Variants in KCNAB1 observed in about 807,000 individuals in gnomAD.
KCNAB1 encodes the protein potassium voltage-gated channel subfamily A regulatory beta subunit 1.
Under a neutral mutation model 64.6 loss-of-function variants are expected in KCNAB1, and 35 were observed. That is an observed-to-expected ratio of 0.54 (90% CI 0.41 to 0.72). The LOEUF is 0.72. Among genes scored for constraint, KCNAB1 ranks in the 30% least tolerant of loss-of-function variants. The pLI, the probability that KCNAB1 is intolerant of heterozygous loss-of-function variation, is 0.00. For synonymous variants in KCNAB1, 177 were observed against 183.8 expected, an observed-to-expected ratio of 0.96 and a Z score of 0.30; for missense variants, 401 against 512.9, an observed-to-expected ratio of 0.78 and a Z score of 2.11.
At chr3:156,340,539 C>T (rs1724033072) in intron 1 of KCNAB1, among the ~76,000 whole-genome samples, 2 of 152,182 alleles carry the variant, frequency 1.3e-5, no homozygotes, top group Non-Finnish European at 2.9e-5. Context: ...ACTACGTGAC[C>T]AAGTTTGGGG....
intron 1 of KCNAB1, among the ~76,000 whole-genome samples, chr3:156,369,667 A>G (rs1421733544): frequency 1.3e-5 from 2 of 152,230 alleles, no homozygotes; most frequent in Non-Finnish European, 2.9e-5. Context: ...AGGGGAAGAG[A>G]TTCTTTGACA....
intron 8 of KCNAB1, among the ~76,000 whole-genome samples, chr3:156,486,306 T>C (rs1258628648): frequency 6.6e-6 from 1 of 152,112 alleles, no homozygotes; most frequent in African/African-American, 2.4e-5. Context: ...TACTCTCTGT[T>C]CAGTGACTCT....
rs893243182 is a variant in KCNAB1 at position 156,246,621 on chromosome 3, TAAAA to T, written c.275+125740_275+125743del. ...CTATCTCAAAAAAAAAAAAAGTTAA[TAAAA>T]AAAAGCAGCAAAAAAAAAAAAAAAA... On this transcript the variant is annotated intron_variant, in intron 1 of 13. Transcript: ENST00000490337. Among the ~76,000 whole-genome samples the T allele has an allele frequency of 1.2e-3, 89 of 71,392 alleles. 1 individual carries two copies. The highest frequency in any genetic ancestry group is 4.4e-3 in the African/African-American group (83 of 18,966). The allele number at this position is 71,392 out of a possible 152,430, so 46.8% of individuals were successfully genotyped here. A position where few individuals can be genotyped will look rare whatever the true frequency, so the allele number is the denominator to read the frequency against.
In KCNAB1 at chr3:156,537,900, G is replaced by A. The variant is rs1027915; in HGVS notation, c.*1153G>A. On this transcript the variant is annotated 3_prime_UTR_variant, in exon 14 of 14. Coordinates refer to ENST00000490337, the MANE Select transcript of KCNAB1 (RefSeq NM_172160.3). ...CTATTCAGAATATGCTGGGTAAATT[G>A]ACTTGCCTAGTGAAAAGCAAAATGT... is the stretch of plus-strand genomic sequence containing the variant. 124,599 of 152,270 alleles carry A rather than the reference G, an allele frequency of 0.82. 51,076 individuals are homozygous for A. Among genetic ancestry groups the A allele is most frequent in the East Asian group, 0.98 (5,087 of 5,194 alleles). 9.4% of individuals were successfully genotyped at this position (152,270 alleles called of 1,614,324 possible). A position where few individuals can be genotyped will look rare whatever the true frequency, so the allele number is the denominator to read the frequency against.
chr3:156,219,692 CTTTTTATTATTA>C (rs1406033992), intron 1 of KCNAB1, among the ~76,000 whole-genome samples: 1 of 131,660 alleles, frequency 7.6e-6, no homozygotes, highest in East Asian at 2.1e-4. Flanking sequence ...AGGAAGGAAT[CTTTTTATTATTA>C]TTATTATTAT....
At chr3:156,219,248 G>C (rs1026563544) in intron 1 of KCNAB1, among the ~76,000 whole-genome samples, 7 of 151,866 alleles carry the variant, frequency 4.6e-5, no homozygotes, top group African/African-American at 1.2e-4. Context: ...CAGTGAAATA[G>C]AGAACATAAA....
intron 8 of KCNAB1, among the ~76,000 whole-genome samples, chr3:156,511,733 T>C (rs1217345898): frequency 6.6e-6 from 1 of 152,234 alleles, no homozygotes; most frequent in Non-Finnish European, 1.5e-5. Context: ...CAGTCCTCCC[T>C]GTTACTAATG....
At chr3:156,123,423 T>C (rs1230024485) in intron 1 of KCNAB1, among the ~76,000 whole-genome samples, 1 of 152,224 alleles carries the variant, frequency 6.6e-6, no homozygotes, top group Admixed American at 6.5e-5. Flanking sequence ...TTTATGTCCA[T>C]ATTCTATGGT....
At chr3:156,287,421 A>G (rs1720161418) in intron 1 of KCNAB1, among the ~76,000 whole-genome samples, 1 of 152,102 alleles carries the variant, frequency 6.6e-6, no homozygotes, top group South Asian at 2.1e-4. Context: ...GAAGTAATAA[A>G]TCCTCTATAT....
At chr3:156,186,161 G>T (rs4679765) in intron 1 of KCNAB1, among the ~76,000 whole-genome samples, 1 of 152,060 alleles carries the variant, frequency 6.6e-6, no homozygotes, top group East Asian at 1.9e-4. Context: ...TTTCTTGAAG[G>T]CTTCAGTTCT....
chr3:156,465,280 A>G (rs1269194979), intron 6 of KCNAB1, among the ~76,000 whole-genome samples: 1 of 152,224 alleles, frequency 6.6e-6, no homozygotes, highest in African/African-American at 2.4e-5. Context: ...CAATCTTACA[A>G]TAAACTCACA....
intron 1 of KCNAB1, among the ~76,000 whole-genome samples, chr3:156,408,607 C>G (rs576402372): frequency 6.6e-6 from 1 of 152,150 alleles, no homozygotes; most frequent in South Asian, 2.1e-4. Flanking sequence ...TGGCAAAACC[C>G]CTTCTCAGCT....
chr3:156,207,661 C>T lies in KCNAB1; in HGVS notation c.275+86775C>T, dbSNP rs181410836. 3.2e-4 allele frequency among the ~76,000 whole-genome samples: 49 copies of T among 152,254 alleles called. 1 individual carries two copies. The East Asian group carries it at 7.1e-3, about 22-fold the overall frequency. On this transcript the variant is annotated intron_variant, in intron 1 of 13. Coordinates refer to ENST00000490337, the MANE Select transcript of KCNAB1 (RefSeq NM_172160.3). ...TTTAAGATTGGTGGAAGAATAGAATCCATGTTAGCTGTGCCCATAGAAAAA... is the reference window on the plus strand; with the variant it reads ...TTTAAGATTGGTGGAAGAATAGAATTCATGTTAGCTGTGCCCATAGAAAAA...
chr3:156,328,222 A>T (rs1465302670), intron 1 of KCNAB1, among the ~76,000 whole-genome samples: 1 of 152,158 alleles, frequency 6.6e-6, no homozygotes, highest in Non-Finnish European at 1.5e-5. Flanking sequence ...GAGGCTGGAT[A>T]GTGGAAGTAG....
chr3:156,328,902 T>G (rs1420796770), intron 1 of KCNAB1, among the ~76,000 whole-genome samples: 1 of 152,212 alleles, frequency 6.6e-6, no homozygotes, highest in African/African-American at 2.4e-5. Context: ...AGTTGTTTGA[T>G]ATTTGTATTA....
chr3:156,286,874 G>T (rs1426830116), intron 1 of KCNAB1, among the ~76,000 whole-genome samples: 1 of 152,192 alleles, frequency 6.6e-6, no homozygotes, highest in Non-Finnish European at 1.5e-5. Context: ...TTAAATTGTA[G>T]TGTGCCTGTG....
intron 1 of KCNAB1, among the ~76,000 whole-genome samples, chr3:156,316,131 T>G (rs1722256667): frequency 6.6e-6 from 1 of 152,232 alleles, no homozygotes; most frequent in African/African-American, 2.4e-5. Flanking sequence ...TCTTTTCTCA[T>G]TTTTATTCTT....
intron 8 of KCNAB1, among the ~76,000 whole-genome samples, chr3:156,505,097 A>G (rs920536401): frequency 3.9e-5 from 6 of 152,160 alleles, no homozygotes; most frequent in Non-Finnish European, 5.9e-5. Context: ...ATGATGAGAA[A>G]TAGGAATATA....
intron 8 of KCNAB1, among the ~76,000 whole-genome samples, chr3:156,511,392 C>T (rs1253092213): frequency 3.3e-5 from 5 of 152,058 alleles, no homozygotes; most frequent in African/African-American, 4.8e-5. Context: ...TGTGAGCCAC[C>T]GTGCCCCGCC....
Sources: allele counts gnomAD v4.1 joint callset (sites outside exome capture counted in the v4.1 genomes callset), GRCh38; gene constraint gnomAD v4.1.1; transcripts MANE v1.5; gene names NCBI Gene and HGNC (gene_info 2026-07-23, HGNC 2026-07-21).